Variants in DIS3L2 observed in about 807,000 individuals in gnomAD.
DIS3L2 encodes DIS3-like exonuclease 2.
Under a neutral mutation model 97.5 loss-of-function variants are expected in DIS3L2, and 34 were observed. The ratio of observed to expected loss-of-function variants is 0.35; its 90% CI spans 0.27 to 0.46. DIS3L2 has a LOEUF of 0.46. Among genes scored for constraint, DIS3L2 ranks in the 20% least tolerant of loss-of-function variants. DIS3L2 has a pLI of 1.00. For missense variants in DIS3L2, 1,038 were observed against 1,146.0 expected (o/e 0.91, Z 1.36); for synonymous variants, 435 against 445.2 (o/e 0.98, Z 0.29).
At chr2:232,337,816 G>A (rs922243992), downstream of DIS3L2, among the ~76,000 whole-genome samples, 1 of 151,622 alleles carries the variant, frequency 6.6e-6, no homozygotes, top group Non-Finnish European at 1.5e-5. Context: ...GACAGTGACT[G>A]GGTACTGCTG....
intron 5 of DIS3L2, among the ~76,000 whole-genome samples, chr2:232,070,321 A>G (rs1695977140): frequency 1.4e-5 from 2 of 140,054 alleles, no homozygotes; most frequent in African/African-American, 5.0e-5. Context: ...TTTCTAGTTT[A>G]CCCAGATTTA....
intron 8 of DIS3L2, among the ~76,000 whole-genome samples, chr2:232,138,095 A>G (rs775166430): frequency 6.6e-6 from 1 of 152,156 alleles, no homozygotes; most frequent in Non-Finnish European, 1.5e-5. Flanking sequence ...TGATTGGACT[A>G]CTTCCTTAGT....
chr2:232,086,680 T>C (rs1381025737), intron 5 of DIS3L2, among the ~76,000 whole-genome samples: 16 of 141,588 alleles, frequency 1.1e-4, no homozygotes, highest in South Asian at 2.2e-4. Context: ...TGTGTGTGTA[T>C]ATATATATTT....
At chr2:232,084,483 G>A (rs11692367) in intron 5 of DIS3L2, among the ~76,000 whole-genome samples, 1,716 of 152,254 alleles carry the variant, frequency 0.011, 19 homozygotes, top group Non-Finnish European at 0.016. Context: ...GACCATTTTG[G>A]ATTTTCAGAT....
At chr2:232,159,511 G>A (rs1690590243) in intron 8 of DIS3L2, among the ~76,000 whole-genome samples, 1 of 152,168 alleles carries the variant, frequency 6.6e-6, no homozygotes. Context: ...GAGAGGCCAG[G>A]CATTATGTAG....
intron 1 of DIS3L2, among the ~76,000 whole-genome samples, chr2:232,006,840 T>A (rs1694065705): frequency 7.0e-6 from 1 of 143,652 alleles, no homozygotes; most frequent in Admixed American, 6.7e-5. Context: ...AAGATATAGC[T>A]GGTCAGTGGC....
chr2:232,229,716 T>C (rs1692740946), intron 10 of DIS3L2, among the ~76,000 whole-genome samples: 1 of 152,204 alleles, frequency 6.6e-6, no homozygotes, highest in South Asian at 2.1e-4. Context: ...ATGACAAAAA[T>C]TGCTGTGTGG....
downstream of DIS3L2, chr2:232,339,616 A>C: frequency 2.4e-6 from 1 of 423,538 alleles, no homozygotes; most frequent in Non-Finnish European, 4.9e-6. Context: ...GAGCCTCTCC[A>C]GGCCACTGCA....
intron 9 of DIS3L2, among the ~76,000 whole-genome samples, chr2:232,203,073 T>C (rs1691940749): frequency 6.6e-6 from 1 of 152,244 alleles, no homozygotes; most frequent in Non-Finnish European, 1.5e-5. Flanking sequence ...ATGATCCAGC[T>C]CTTCAGTTGT....
intron 8 of DIS3L2, among the ~76,000 whole-genome samples, chr2:232,159,513 A>AT (rs1405028576): frequency 2.0e-5 from 3 of 152,210 alleles, no homozygotes; most frequent in African/African-American, 7.2e-5. Flanking sequence ...GAGGCCAGGC[A>AT]TTATGTAGTA....
At chr2:231,979,309 T>TA (rs1693184190) in intron 1 of DIS3L2, among the ~76,000 whole-genome samples, 1 of 152,066 alleles carries the variant, frequency 6.6e-6, no homozygotes, top group Admixed American at 6.5e-5. Flanking sequence ...GGCTGGAGTG[T>TA]AGTAGCATGA....
chr2:232,329,817 G>A lies in DIS3L2; in HGVS notation c.1744G>A (p.Val582Met), dbSNP rs1695681070. 3.3e-6 allele frequency: 3 copies of A among 904,678 alleles called. No individual in the cohort carries two copies. Among genetic ancestry groups the A allele is most frequent in the African/African-American group, 2.1e-5 (1 of 47,792 alleles). 56.0% of individuals were successfully genotyped at this position (904,678 alleles called of 1,614,324 possible). The change falls in exon 15 of 21, where the codon GTG (valine) becomes ATG (methionine). Residue 582 changes from valine (V) to methionine (M), a missense_variant. This residue lies in a region of DIS3L2 where 813 missense variants were observed against 880.1 expected (regional missense o/e 0.92). Transcript: ENST00000325385. ...IYEYRESNKLVEEFMLLANMA... is the reference protein window; with the variant it reads ...IYEYRESNKLMEEFMLLANMA... ...CATCCCACCCACCCTCTGCAGGCTC[G>A]TGGAGGAGTTCATGCTCTTGGCCAA...
At position 232,015,753 on chromosome 2, in the gene DIS3L2, A is replaced by G. The variant is rs540884484; in HGVS notation, c.210+82A>G. On this transcript the variant is annotated intron_variant, in intron 3 of 20. Transcript: ENST00000325385. Reference sequence around the variant, plus strand: ...ATTAAACTGTTTCCTGTTCTGTGCTATATGCTTTCAGAGAGACGATGATGT... The same window carrying G: ...ATTAAACTGTTTCCTGTTCTGTGCTGTATGCTTTCAGAGAGACGATGATGT... 1.2e-4 allele frequency: 180 copies of G among 1,505,940 alleles called. No homozygotes were observed. In the African/African-American group the frequency reaches 1.4e-3, roughly 12 times the overall value. 93.3% of individuals were successfully genotyped at this position (1,505,940 alleles called of 1,614,324 possible). A position where few individuals can be genotyped will look rare whatever the true frequency, so the allele number is the denominator to read the frequency against.
At chr2:232,230,756 C>G (rs555686288) in intron 10 of DIS3L2, among the ~76,000 whole-genome samples, 1 of 152,310 alleles carries the variant, frequency 6.6e-6, no homozygotes, top group African/African-American at 2.4e-5. Context: ...TTAGCGCTCC[C>G]TGGTGGCTTC....
intron 13 of DIS3L2, among the ~76,000 whole-genome samples, chr2:232,272,591 C>G (rs1449268557): frequency 6.6e-6 from 1 of 152,144 alleles, no homozygotes; most frequent in Admixed American, 6.5e-5. Flanking sequence ...AGTGCTGAAC[C>G]CACTGAGAAA....
At chr2:232,252,592 C>CT (rs1395418754) in intron 12 of DIS3L2, among the ~76,000 whole-genome samples, 2 of 152,158 alleles carry the variant, frequency 1.3e-5, no homozygotes. Context: ...CTACACCAAA[C>CT]TTTAATAGTT....
chr2:232,136,384 G>A (rs1412145954), intron 7 of DIS3L2, 88 bp from the exon 8 acceptor site: 60 of 1,526,446 alleles, frequency 3.9e-5, no homozygotes, highest in Non-Finnish European at 5.0e-5. Context: ...GTTCCTGCTA[G>A]TTGATCAAAT....
rs116413170 is a variant in DIS3L2 at position 231,992,460 on chromosome 2, C to G, written c.-93-22375C>G. On this transcript the variant is annotated intron_variant, in intron 1 of 20. Coordinates refer to ENST00000325385, the MANE Select transcript of DIS3L2 (RefSeq NM_152383.5). ...CATGCTTTCTGTGTTTTAACATGCT[C>G]AAGTTTCTCCTTTCATAAAAACACC... 6.2e-3 allele frequency among the ~76,000 whole-genome samples: 944 copies of G among 152,242 alleles called. 4 individuals are homozygous for G. Among genetic ancestry groups the G allele is most frequent in the Non-Finnish European group, 0.01 (700 of 68,028 alleles).
chr2:232,064,615 G>A (rs1559589255), intron 5 of DIS3L2, among the ~76,000 whole-genome samples: 1 of 152,120 alleles, frequency 6.6e-6, no homozygotes, highest in Non-Finnish European at 1.5e-5. Context: ...ACGAAATTAT[G>A]AAGTGGTTTT....
Sources: gnomAD v4.1 joint callset for allele counts (sites outside exome capture counted in the v4.1 genomes callset) on GRCh38, gnomAD v4.1.1 for gene constraint, gnomAD v4.1.1 regional missense constraint, MANE v1.5 for transcripts, NCBI Gene and HGNC (gene_info 2026-07-23, HGNC 2026-07-21) for gene names.